The following CACNG2 variants were observed in gnomAD, a reference collection of about 807,000 sequenced individuals.
CACNG2 encodes calcium voltage-gated channel auxiliary subunit gamma 2.
In CACNG2, 3 loss-of-function variants were observed where a neutral mutation model predicts 25.9. The observed-to-expected ratio is 0.12, with a 90% CI of 0.05 to 0.30. The LOEUF is 0.30. CACNG2 is among the 10% of genes least tolerant of loss of function. The probability of loss-of-function intolerance (pLI) is 1.00; values close to 1 mark genes in which losing one functional copy is unlikely to be tolerated. For synonymous variants in CACNG2, 167 were observed against 173.3 expected (o/e 0.96, Z 0.29); for missense variants, 341 against 432.5 (o/e 0.79, Z 1.88).
Position 36,702,833 on chromosome 22 carries a change from G to T in CACNG2, c.-257C>A. 1.4e-5 allele frequency: 4 copies of T among 279,066 alleles called. No individual in the cohort carries two copies. The highest frequency in any genetic ancestry group is 2.3e-5 in the African/African-American group (1 of 42,976). 17.3% of individuals were successfully genotyped at this position (279,066 alleles called of 1,614,324 possible). A position where few individuals can be genotyped will look rare whatever the true frequency, so the allele number is the denominator to read the frequency against. ...GAGATCAGAAACTGTTCCAGTTGCA[G>T]TGTTTTTTTTTTAAAAAGAAAAGGA... On this transcript the variant is annotated 5_prime_UTR_variant, in exon 1 of 4. The change creates a new upstream start codon in the 5' untranslated region. Coordinates refer to ENST00000300105, the MANE Select transcript of CACNG2 (RefSeq NM_006078.5).
intron 1 of CACNG2, among the ~76,000 whole-genome samples, chr22:36,689,065 G>A (rs1490042265): frequency 6.6e-6 from 1 of 151,980 alleles, no homozygotes; most frequent in African/African-American, 2.4e-5. Context: ...CACTGCAGAG[G>A]GCCTTTAGGA....
rs999178873 is a variant in CACNG2 at position 36,563,366 on chromosome 22, C to G, written c.*985G>C. Among the ~76,000 whole-genome samples the G allele has an allele frequency of 1.1e-4, 16 of 148,010 alleles. No homozygotes were observed. Among genetic ancestry groups the G allele is most frequent in the South Asian group, 2.2e-4 (1 of 4,534 alleles). The stretch of plus-strand genomic sequence containing the variant: ...GGAGGGAGAGCTGTTTCATGTCCCC[C>G]GGGGGGGGGGGTGGCATCTCCTGAC... On this transcript the variant is annotated 3_prime_UTR_variant, in exon 4 of 4. Transcript: ENST00000300105.
Position 36,566,510 on chromosome 22 carries a change from G to T in CACNG2, c.296-17C>A, listed in dbSNP as rs780863834. The T allele has an allele frequency of 6.8e-6, 11 of 1,613,854 alleles. No individual in the cohort carries two copies. The highest frequency in any genetic ancestry group is 9.3e-6 in the Non-Finnish European group (11 of 1,179,950). ...TCACGGCCCCTGTGGAACACAGAGGGTCAGGGAGAAAGAGAACGGCATGGC... is the reference window on the plus strand; with the variant it reads ...TCACGGCCCCTGTGGAACACAGAGGTTCAGGGAGAAAGAGAACGGCATGGC... On this transcript the variant is annotated splice_polypyrimidine_tract_variant and intron_variant, in intron 2 of 3. Coordinates refer to ENST00000300105, the MANE Select transcript of CACNG2 (RefSeq NM_006078.5).
At chr22:36,683,857 C>G (rs144064274) in intron 1 of CACNG2, among the ~76,000 whole-genome samples, 8 of 152,220 alleles carry the variant, frequency 5.3e-5, no homozygotes, top group African/African-American at 1.7e-4. Context: ...CTCTCCACCC[C>G]CCGCGACCCC....
intron 1 of CACNG2, among the ~76,000 whole-genome samples, chr22:36,630,376 G>A (rs1383703137): frequency 1.3e-5 from 2 of 152,172 alleles, no homozygotes; most frequent in Admixed American, 6.5e-5. Flanking sequence ...CATGGGTGAA[G>A]GGAAGAGGAA....
chr22:36,639,993 A>T (rs61087572), intron 1 of CACNG2, among the ~76,000 whole-genome samples: 1 of 152,270 alleles, frequency 6.6e-6, no homozygotes, highest in East Asian at 1.9e-4. Context: ...TTCAGTGTGT[A>T]TCAGCAGCAT....
intron 1 of CACNG2, among the ~76,000 whole-genome samples, chr22:36,679,183 TTCCTTC>T (rs1937057573): frequency 6.1e-5 from 7 of 114,060 alleles, no homozygotes; most frequent in South Asian, 2.8e-4. Flanking sequence ...CCTTCCTTCC[TTCCTTC>T]CTTCCTTCCT....
intron 2 of CACNG2, among the ~76,000 whole-genome samples, chr22:36,571,803 G>A (rs1935230887): frequency 6.6e-6 from 1 of 151,590 alleles, no homozygotes; most frequent in Admixed American, 6.6e-5. Flanking sequence ...CTTGAACGCG[G>A]GAGGCAGAGG....
At chr22:36,696,517 G>A (rs975651560) in intron 1 of CACNG2, among the ~76,000 whole-genome samples, 2 of 152,214 alleles carry the variant, frequency 1.3e-5, no homozygotes, top group African/African-American at 4.8e-5. Context: ...GCAGGCAGTA[G>A]TCATGGGTTC....
intron 1 of CACNG2, among the ~76,000 whole-genome samples, chr22:36,616,598 T>C (rs1466081543): frequency 6.7e-6 from 1 of 149,744 alleles, no homozygotes; most frequent in African/African-American, 2.5e-5. Flanking sequence ...CTGTAATCCA[T>C]CTGGAATTGA....
intron 1 of CACNG2, among the ~76,000 whole-genome samples, chr22:36,661,657 T>C (rs985477012): frequency 6.6e-6 from 1 of 152,188 alleles, no homozygotes; most frequent in East Asian, 1.9e-4. Flanking sequence ...CTCCATTGCA[T>C]GTCAACAAAT....
At chr22:36,613,160 G>C (rs752115010) in intron 1 of CACNG2, among the ~76,000 whole-genome samples, 2,350 of 114,598 alleles carry the variant, frequency 0.021, 20 homozygotes, top group Non-Finnish European at 0.031. Context: ...GGCTCTCTGT[G>C]TGTGTGTGTG....
chr22:36,656,797 GT>G (rs2145980097), intron 1 of CACNG2, among the ~76,000 whole-genome samples: 1 of 152,300 alleles, frequency 6.6e-6, no homozygotes, highest in South Asian at 2.1e-4. Flanking sequence ...CTTCCTTTGG[GT>G]TTTTACCAGT....
At chr22:36,639,696 C>CA (rs1936413481) in intron 1 of CACNG2, among the ~76,000 whole-genome samples, 1 of 152,218 alleles carries the variant, frequency 6.6e-6, no homozygotes, top group Non-Finnish European at 1.5e-5. Flanking sequence ...GGGAACATCT[C>CA]AGTCATCCAT....
intron 1 of CACNG2, among the ~76,000 whole-genome samples, chr22:36,626,241 G>A (rs1280267690): frequency 2.0e-5 from 3 of 152,160 alleles, no homozygotes; most frequent in African/African-American, 7.2e-5. Flanking sequence ...ATTAGTATCA[G>A]TTGCAGACTA....
rs1603501477 is a variant in CACNG2 at position 36,606,407 on chromosome 22, T to C, written c.212-18859A>G. The stretch of plus-strand genomic sequence containing the variant: ...ATATGGAAGTGGAGGGACAGAGGGG[T>C]GAAGGAACGCCTCTAAAGATTCATT... On this transcript the variant is annotated intron_variant, in intron 1 of 3. Transcript: ENST00000300105. The surrounding 1 kb of genome is among the most constrained non-coding windows in gnomAD (Gnocchi z 5.7). Among the ~76,000 whole-genome samples the C allele has an allele frequency of 6.6e-6, 1 of 151,854 alleles. No homozygotes were observed. The highest frequency in any genetic ancestry group is 2.4e-5 in the African/African-American group (1 of 41,316).
chr22:36,597,549 C>T (rs1935695724), intron 1 of CACNG2, among the ~76,000 whole-genome samples: 2 of 152,182 alleles, frequency 1.3e-5, no homozygotes, highest in African/African-American at 4.8e-5. Flanking sequence ...AAGTGAAGGG[C>T]CCCAGTGCAG....
chr22:36,587,373 G>A lies in CACNG2; in HGVS notation c.295+92C>T, dbSNP rs185332957. On this transcript the variant is annotated intron_variant, in intron 2 of 3. Transcript: ENST00000300105. ...TTTCCTGCCCTCTGCTGTGATGAGG[G>A]CCTCTAGGTAGGCCTGGTCCTTGAC... is the stretch of plus-strand genomic sequence containing the variant. 1.9e-4 allele frequency: 170 copies of A among 901,794 alleles called. 1 individual carries two copies. In the East Asian group the frequency reaches 2.4e-3, roughly 13 times the overall value. The allele number at this position is 901,794 out of a possible 1,614,324, so 55.9% of individuals were successfully genotyped here. A position where few individuals can be genotyped will look rare whatever the true frequency, so the allele number is the denominator to read the frequency against.
At chr22:36,591,818 C>T (rs1465487339) in intron 1 of CACNG2, among the ~76,000 whole-genome samples, 2 of 152,058 alleles carry the variant, frequency 1.3e-5, no homozygotes, top group African/African-American at 4.8e-5. Flanking sequence ...GGAGGGACAG[C>T]AGAGCTCGTG....
Sources: gnomAD v4.1 joint callset for allele counts (sites outside exome capture counted in the v4.1 genomes callset) on GRCh38, gnomAD v4.1.1 for gene constraint, Gnocchi (gnomAD v3.1) non-coding constraint, MANE v1.5 for transcripts, NCBI Gene and HGNC (gene_info 2026-07-23, HGNC 2026-07-21) for gene names.